RASSF8: variants seen among roughly 807,000 people sequenced by gnomAD.
RASSF8 encodes ras association domain-containing protein 8.
In RASSF8, 22 loss-of-function variants were observed where a neutral mutation model predicts 48.5. That is an observed-to-expected ratio of 0.45 (90% CI 0.32 to 0.65). RASSF8 has a LOEUF of 0.65. Ranked by LOEUF, RASSF8 falls within the 30% of genes least tolerant of loss-of-function variation. The pLI is 0.03. For synonymous variants in RASSF8, 127 were observed against 171.5 expected, an observed-to-expected ratio of 0.74 and a Z score of 2.03; for missense variants, 418 against 489.2, an observed-to-expected ratio of 0.85 and a Z score of 1.37.
intron 1 of RASSF8, among the ~76,000 whole-genome samples, chr12:25,993,414 C>A (rs1020592792): frequency 1.3e-5 from 2 of 152,044 alleles, no homozygotes; most frequent in Non-Finnish European, 2.9e-5. Context: ...TTCTTGAAAA[C>A]ACAACTAAAA....
Position 25,958,840 on chromosome 12 carries a change from G to T in RASSF8, c.-511G>T, listed in dbSNP as rs1295999115. The T allele has an allele frequency of 2.0e-5, 3 of 147,004 alleles. No homozygotes were observed. The highest frequency in any genetic ancestry group is 4.5e-5 in the Non-Finnish European group (3 of 66,024). The allele number at this position is 147,004 out of a possible 1,614,324, so 9.1% of individuals were successfully genotyped here. ...AGCCTCGCCCTTCCCGCCCGCGGCGGCGTTGGCGCTGGGGGCGGCTCCCGC... is the reference window on the plus strand; with the variant it reads ...AGCCTCGCCCTTCCCGCCCGCGGCGTCGTTGGCGCTGGGGGCGGCTCCCGC... On this transcript the variant is annotated 5_prime_UTR_variant, in exon 1 of 6. Transcript: ENST00000689635.
chr12:26,060,271 A>G (rs546331345), intron 3 of RASSF8, among the ~76,000 whole-genome samples: 23 of 152,290 alleles, frequency 1.5e-4, no homozygotes, highest in African/African-American at 5.1e-4. Flanking sequence ...TGATTACATG[A>G]TATACACTGG....
intron 2 of RASSF8, among the ~76,000 whole-genome samples, chr12:26,038,374 G>T (rs1943195027): frequency 6.6e-6 from 1 of 152,098 alleles, no homozygotes; most frequent in Admixed American, 6.6e-5. Context: ...TCCTGCAAAT[G>T]TACTTGTGTG....
intron 2 of RASSF8, among the ~76,000 whole-genome samples, chr12:26,005,873 T>C (rs1337088666): frequency 6.6e-6 from 1 of 152,230 alleles, no homozygotes; most frequent in African/African-American, 2.4e-5. Flanking sequence ...CCAATTTCAA[T>C]ACTTGTGACA....
At chr12:25,980,870 A>G (rs1019537356) in intron 1 of RASSF8, among the ~76,000 whole-genome samples, 1 of 152,324 alleles carries the variant, frequency 6.6e-6, no homozygotes, top group African/African-American at 2.4e-5. Flanking sequence ...CTTAAGAAAA[A>G]GTATATCATC....
intron 2 of RASSF8, among the ~76,000 whole-genome samples, chr12:26,039,581 A>AG (rs1702166093): frequency 6.6e-6 from 1 of 152,162 alleles, no homozygotes; most frequent in South Asian, 2.1e-4. Context: ...GAGAAAAAAA[A>AG]CCCAGAAGGT....
chr12:25,987,547 A>C (rs1270312555), intron 1 of RASSF8, among the ~76,000 whole-genome samples: 1 of 152,198 alleles, frequency 6.6e-6, no homozygotes, highest in African/African-American at 2.4e-5. Flanking sequence ...GTTTAAACCT[A>C]AGGATAATTT....
chr12:26,010,707 A>C (rs1259756976), intron 2 of RASSF8, among the ~76,000 whole-genome samples: 1 of 152,082 alleles, frequency 6.6e-6, no homozygotes, highest in African/African-American at 2.4e-5. Flanking sequence ...GGATGTGGTG[A>C]GGAGGGAAAG....
At chr12:26,022,182 A>T (rs1413705457) in intron 2 of RASSF8, among the ~76,000 whole-genome samples, 1 of 152,200 alleles carries the variant, frequency 6.6e-6, no homozygotes, top group East Asian at 1.9e-4. Flanking sequence ...GCTGAGCGGG[A>T]TACCAGATGA....
At chr12:25,963,652 C>T (rs984924138) in intron 1 of RASSF8, among the ~76,000 whole-genome samples, 9 of 152,254 alleles carry the variant, frequency 5.9e-5, no homozygotes, top group African/African-American at 1.7e-4. Flanking sequence ...TCCTTCAGAA[C>T]GTACTCCTCT....
intron 2 of RASSF8, among the ~76,000 whole-genome samples, chr12:25,995,656 A>T (rs1354483577): frequency 6.6e-6 from 1 of 151,962 alleles, no homozygotes; most frequent in East Asian, 1.9e-4. Flanking sequence ...CATTAAGTCA[A>T]GGGGGGGCAT....
At chr12:26,024,361 C>T (rs1355547595) in intron 2 of RASSF8, among the ~76,000 whole-genome samples, 2 of 152,046 alleles carry the variant, frequency 1.3e-5, no homozygotes, top group Non-Finnish European at 2.9e-5. Flanking sequence ...AAGTCTCCGT[C>T]CAAATGGCTT....
chr12:25,999,396 A>G (rs992700405), intron 2 of RASSF8, among the ~76,000 whole-genome samples: 1 of 152,184 alleles, frequency 6.6e-6, no homozygotes, highest in Non-Finnish European at 1.5e-5. Context: ...AAAACAGTGA[A>G]TTTGACCTAA....
chr12:26,009,742 C>G, intron 2 of RASSF8, among the ~76,000 whole-genome samples: 1 of 152,012 alleles, frequency 6.6e-6, no homozygotes, highest in East Asian at 1.9e-4. Context: ...ACAAACTGAC[C>G]CTTATATTTA....
Position 25,961,597 on chromosome 12 carries a change from G to A in RASSF8, c.-203+2449G>A, listed in dbSNP as rs114751103. Among the ~76,000 whole-genome samples, 449 of 152,220 alleles carry A rather than the reference G, an allele frequency of 2.9e-3. 3 individuals carry two copies. Among genetic ancestry groups the A allele is most frequent in the African/African-American group, 0.01 (432 of 41,524 alleles). ...TGTCACTCCCGAGGTGAGTGAGCTC[G>A]GCCATGCCACTTCAGCCTCTGTGAT... On this transcript the variant is annotated intron_variant, in intron 1 of 5. Coordinates refer to ENST00000689635, the MANE Select transcript of RASSF8 (RefSeq NM_001394098.1).
rs753186196 is a variant in RASSF8 at position 26,067,673 on chromosome 12, G to A, written c.1098G>A (p.Glu366=). 277 of 1,614,044 alleles carry A rather than the reference G, an allele frequency of 1.7e-4. No individual in the cohort carries two copies. Among genetic ancestry groups the A allele is most frequent in the Non-Finnish European group, 3.2e-5 (38 of 1,180,012 alleles). The change falls in exon 5 of 6, where the codon GAG becomes GAA. Residue 366 remains glutamate, a synonymous_variant. Coordinates refer to ENST00000689635, the MANE Select transcript of RASSF8 (RefSeq NM_001394098.1). ...TGTKVTVLPA[E]PIEIEASHAD... The stretch of plus-strand genomic sequence containing the variant: ...CAAAAGTTACCGTTTTGCCAGCGGA[G>A]CCCATTGAAATAGAGGCCTCACATG...
intron 4 of RASSF8, 38 bp from the exon 5 acceptor site, chr12:26,067,531 G>T (rs1314666134): frequency 1.3e-6 from 2 of 1,551,830 alleles, no homozygotes; most frequent in Non-Finnish European, 1.8e-6. Flanking sequence ...GTCCAGTAGT[G>T]AATCCTCAAA....
chr12:25,996,330 T>C (rs971042196), intron 2 of RASSF8, among the ~76,000 whole-genome samples: 2 of 152,236 alleles, frequency 1.3e-5, no homozygotes, highest in African/African-American at 4.8e-5. Context: ...TTCTCTCTGA[T>C]TGTCACTTAA....
At position 25,983,776 on chromosome 12, in the gene RASSF8, C is replaced by T. The variant is rs190666025; in HGVS notation, c.-202-11261C>T. Reference sequence around the variant, plus strand: ...ATTTTTTATCTGTACAGTGGATTACCGTAGGACAGGGGTGATACTAAAAAT... The same window carrying T: ...ATTTTTTATCTGTACAGTGGATTACTGTAGGACAGGGGTGATACTAAAAAT... On this transcript the variant is annotated intron_variant, in intron 1 of 5. Coordinates refer to ENST00000689635, the MANE Select transcript of RASSF8 (RefSeq NM_001394098.1). 1.5e-4 allele frequency among the ~76,000 whole-genome samples: 23 copies of T among 152,148 alleles called. No homozygotes were observed. In the East Asian group the frequency reaches 3.3e-3, roughly 22 times the overall value.
Sources: allele counts gnomAD v4.1 joint callset (sites outside exome capture counted in the v4.1 genomes callset), GRCh38; gene constraint gnomAD v4.1.1; transcripts MANE v1.5; gene names NCBI Gene and HGNC (gene_info 2026-07-23, HGNC 2026-07-21).